Variants in DNAH8 observed in about 807,000 individuals in gnomAD.
DNAH8 encodes dynein axonemal heavy chain 8.
A neutral mutation model predicts 562.1 loss-of-function variants in DNAH8; 382 were observed. The ratio of observed to expected loss-of-function variants is 0.68; its 90% CI spans 0.63 to 0.74. The LOEUF is 0.74. Ranked by LOEUF, DNAH8 falls within the 30% of genes least tolerant of loss-of-function variation. The pLI is 0.00. For missense variants in DNAH8, 5,203 were observed against 5,620.4 expected, an observed-to-expected ratio of 0.93 and a Z score of 2.37; for synonymous variants, 1,881 against 1,919.4, an observed-to-expected ratio of 0.98 and a Z score of 0.52.
At chr6:38,937,944 G>A (rs775803219) in intron 77 of DNAH8, 30 bp from the exon 78 acceptor site, 1 of 1,608,338 alleles carries the variant, frequency 6.2e-7, no homozygotes, top group Non-Finnish European at 8.5e-7. Flanking sequence ...CCCGTCTTGT[G>A]TACTACGGTT....
chr6:38,804,731 A>G (rs1583050295), intron 22 of DNAH8, among the ~76,000 whole-genome samples: 2 of 151,612 alleles, frequency 1.3e-5, no homozygotes, highest in Non-Finnish European at 2.9e-5. Flanking sequence ...CCAGTCAAGC[A>G]GAGATCCCAT....
Position 39,030,486 on chromosome 6 carries a change from T to C in DNAH8, c.*94T>C. ...TGTGTGTGTCTTTTCTCCCCAGTAA[T>C]TCCTTAATTACTCTTTCTACATTAA... On this transcript the variant is annotated 3_prime_UTR_variant, in exon 93 of 93. Coordinates refer to ENST00000327475, the MANE Select transcript of DNAH8 (RefSeq NM_001206927.2). 1.8e-6 allele frequency: 2 copies of C among 1,107,244 alleles called. No homozygotes were observed. The highest frequency in any genetic ancestry group is 3.1e-5 in the South Asian group (2 of 64,370). The allele number at this position is 1,107,244 out of a possible 1,614,324, so 68.6% of individuals were successfully genotyped here.
At chr6:38,934,167 A>G (rs1782768306) in intron 76 of DNAH8, among the ~76,000 whole-genome samples, 1 of 152,082 alleles carries the variant, frequency 6.6e-6, no homozygotes, top group South Asian at 2.1e-4. Context: ...AGCCTGGCCA[A>G]CACGGTGAAA....
In DNAH8 at chr6:38,873,340, C is replaced by G; in HGVS notation, c.7584C>G (p.Pro2528=). The G allele has an allele frequency of 7.4e-6, 12 of 1,611,484 alleles. No homozygotes were observed. Among genetic ancestry groups the G allele is most frequent in the Non-Finnish European group, 1.0e-5 (12 of 1,179,426 alleles). Residue 2528 remains proline (P), a synonymous_variant, in exon 52 of 93, where the codon CCC becomes CCG. Transcript: ENST00000327475. ...TYTYMKLNLN[P]KMQLLECNYI... ...CATATATGAAGCTAAATCTCAATCC[C>G]AAAATGCAGCTCTTGGAGTGCAACT...
chr6:38,928,892 C>T lies in DNAH8; in HGVS notation c.11119-619C>T, dbSNP rs551254314. ...TGTGTCTATTTTAACTAATAACAAA[C>T]GCATTAATCTAAACACGAAGACCCA... On this transcript the variant is annotated intron_variant, in intron 74 of 92. Transcript: ENST00000327475. Among the ~76,000 whole-genome samples, 8 of 152,196 alleles carry T rather than the reference C, an allele frequency of 5.3e-5. No homozygotes were observed. In the South Asian group the frequency reaches 1.2e-3, roughly 24 times the overall value.
At chr6:38,752,082 A>G (rs1192389059) in intron 9 of DNAH8, among the ~76,000 whole-genome samples, 7 of 152,168 alleles carry the variant, frequency 4.6e-5, no homozygotes, top group Admixed American at 2.0e-4. Flanking sequence ...CTGTAGCATT[A>G]TGGGTTGTAT....
rs1178015604 is a variant in DNAH8, at chr6:38,918,019, A to T, written c.10403A>T (p.Asn3468Ile). 6.2e-7 allele frequency: 1 copy of T among 1,613,886 alleles called. No homozygotes were observed. The highest frequency in any genetic ancestry group is 1.7e-5 in the Admixed American group (1 of 60,000). The change falls in exon 70 of 93, where the codon AAT (asparagine) becomes ATT (isoleucine). Residue 3468 changes from asparagine (N) to isoleucine (I), a missense_variant. Asn to Ile is a moderately radical substitution (Grantham distance 149). Transcript: ENST00000327475. Reference protein sequence around the residue: ...ETVELLQPYFNMDDYTFESAK... With the variant: ...ETVELLQPYFIMDDYTFESAK... The stretch of plus-strand genomic sequence containing the variant: ...GTTGAGTTACTACAGCCATATTTTA[A>T]TATGGATGATTATACTTTTGAAAGT...
intron 17 of DNAH8, 103 bp downstream of exon 17, chr6:38,783,242 G>A (rs966486962): frequency 7.1e-6 from 7 of 985,932 alleles, no homozygotes; most frequent in African/African-American, 1.6e-5. Context: ...ATAATCTTAG[G>A]ATAGTTACAA....
In DNAH8 at chr6:38,783,897, C is replaced by T. The variant is rs567550636; in HGVS notation, c.2395+758C>T. The stretch of plus-strand genomic sequence containing the variant: ...GTTTCTCCCTCCCAAACCAGCGTCT[C>T]CACCTCAGCAGAGCACAGCATTGCA... On this transcript the variant is annotated intron_variant, in intron 17 of 92. Transcript: ENST00000327475. 2.0e-5 allele frequency among the ~76,000 whole-genome samples: 3 copies of T among 152,302 alleles called. No individual in the cohort carries two copies. The East Asian group carries it at 5.8e-4, about 29-fold the overall frequency.
At chr6:38,954,227 C>G (rs1762101607) in intron 82 of DNAH8, among the ~76,000 whole-genome samples, 1 of 152,036 alleles carries the variant, frequency 6.6e-6, no homozygotes, top group African/African-American at 2.4e-5. Flanking sequence ...AGCCTGACTA[C>G]TGGAGGAGGG....
At chr6:38,787,098 A>G (rs1417230476) in intron 18 of DNAH8, 146 bp downstream of exon 18, 1 of 410,380 alleles carries the variant, frequency 2.4e-6, no homozygotes, top group African/African-American at 2.1e-5. Context: ...GAATTAAAAT[A>G]CTGACTTGCA....
intron 75 of DNAH8, 22 bp downstream of exon 75, chr6:38,929,688 AAAAAGAAAGAAAGAAAGAAAAG>A: frequency 6.6e-7 from 1 of 1,505,342 alleles, no homozygotes; most frequent in South Asian, 1.3e-5. Flanking sequence ...AAAAAAAAAA[AAAAAGAAAGAAAGAAAGAAAAG>A]AAAAAGAAAA....
chr6:38,882,989 G>C lies in DNAH8; in HGVS notation c.7938G>C (p.Leu2646Phe). Residue 2646 changes from leucine (L) to phenylalanine (F), a missense_variant, in exon 54 of 93, where the codon TTG (leucine) becomes TTC (phenylalanine). By Grantham distance (22) the Leu-to-Phe change is conservative. This residue lies in a region of DNAH8 where 977 missense variants were observed against 1,061.8 expected (regional missense o/e 0.92). Coordinates refer to ENST00000327475, the MANE Select transcript of DNAH8 (RefSeq NM_001206927.2). ...TDSIPEYSSILVPNVDNIRTN... is the reference protein window; with the variant it reads ...TDSIPEYSSIFVPNVDNIRTN... ...GTATTCCGGAATATTCATCAATTTT[G>C]GTTCCAAATGTTGACAATATTAGAA... The C allele has an allele frequency of 6.2e-7, 1 of 1,603,582 alleles. No homozygotes were observed. Among genetic ancestry groups the C allele is most frequent in the Middle Eastern group, 1.7e-4 (1 of 6,040 alleles).
intron 82 of DNAH8, among the ~76,000 whole-genome samples, chr6:38,962,478 T>C (rs1367136240): frequency 6.6e-6 from 1 of 152,164 alleles, no homozygotes; most frequent in African/African-American, 2.4e-5. Flanking sequence ...AATTAGACTC[T>C]TGTATGTACA....
chr6:38,822,883 A>C lies in DNAH8; in HGVS notation c.3569A>C (p.Tyr1190Ser), dbSNP rs764580800. Residue 1190 changes from tyrosine to serine, a missense_variant, in exon 27 of 93, where the codon TAC becomes TCC. Coordinates refer to ENST00000327475, the MANE Select transcript of DNAH8 (RefSeq NM_001206927.2). Reference sequence around the variant, plus strand: ...CCTGCGAGGAAGCTGAAGAATTTTTACCCGGGGGTAGCGGAGCACAAGGAT... The same window carrying C: ...CCTGCGAGGAAGCTGAAGAATTTTTCCCCGGGGGTAGCGGAGCACAAGGAT... ...AIPARKLKNF[Y>S]PGVAEHKDIS... The C allele has an allele frequency of 3.7e-6, 6 of 1,604,474 alleles. No individual in the cohort carries two copies. The highest frequency in any genetic ancestry group is 3.4e-5 in the South Asian group (3 of 88,496).
chr6:38,932,379 A>G (rs1782623965), intron 76 of DNAH8, among the ~76,000 whole-genome samples: 1 of 152,132 alleles, frequency 6.6e-6, no homozygotes, highest in Non-Finnish European at 1.5e-5. Context: ...TTCAACTACT[A>G]CAGTCCAATA....
At chr6:38,981,387 A>G (rs1323989668) in intron 85 of DNAH8, among the ~76,000 whole-genome samples, 2 of 152,158 alleles carry the variant, frequency 1.3e-5, no homozygotes, top group Non-Finnish European at 2.9e-5. Flanking sequence ...AAAACAATTG[A>G]ATCATTTGCT....
chr6:38,750,950 T>G (rs1373254600), intron 9 of DNAH8, among the ~76,000 whole-genome samples: 1 of 152,226 alleles, frequency 6.6e-6, no homozygotes, highest in African/African-American at 2.4e-5. Context: ...TTTAAATATA[T>G]AGTGAATCAT....
Position 38,875,757 on chromosome 6 carries a change from G to A in DNAH8, c.7787G>A (p.Ser2596Asn), listed in dbSNP as rs775113791. Residue 2596 changes from serine to asparagine, a missense_variant, in exon 53 of 93, where the codon AGC (serine) becomes AAC (asparagine). By Grantham distance (46) the Ser-to-Asn change is conservative (BLOSUM62 1). This residue lies in a region of DNAH8 where 977 missense variants were observed against 1,061.8 expected (regional missense o/e 0.92). Transcript: ENST00000327475. ...GAAGCCTTCTTACGGCAGCATGAAA[G>A]CAAGTTGGACTTACCAGAAATACCT... ...KLEAFLRQHESKLDLPEIPKG... is the reference protein window; with the variant it reads ...KLEAFLRQHENKLDLPEIPKG... The A allele has an allele frequency of 3.7e-6, 6 of 1,613,852 alleles. No individual in the cohort carries two copies. The highest frequency in any genetic ancestry group is 1.7e-5 in the Admixed American group (1 of 59,990).
Sources: gnomAD v4.1 joint callset for allele counts (sites outside exome capture counted in the v4.1 genomes callset) on GRCh38, gnomAD v4.1.1 for gene constraint, gnomAD v4.1.1 regional missense constraint, MANE v1.5 for transcripts, NCBI Gene and HGNC (gene_info 2026-07-23, HGNC 2026-07-21) for gene names.